TINCR: variants seen among roughly 807,000 people sequenced by gnomAD.
TINCR encodes TINCR ubiquitin domain containing.
chr19:5,566,856 A>G (rs1204479634), intron 1 of TINCR, among the ~76,000 whole-genome samples: 1 of 151,982 alleles, frequency 6.6e-6, no homozygotes, highest in African/African-American at 2.4e-5. Flanking sequence ...GACAGAGACC[A>G]GAGAGGGAGA....
rs967259081 is a variant in TINCR at position 5,565,968 on chromosome 19, C to T, written c.260+1697G>A. On this transcript the variant is annotated intron_variant, in intron 1 of 1. Transcript: ENST00000646160. The surrounding 1 kb of genome is among the most constrained non-coding windows in gnomAD (Gnocchi z 4.0). ...CCCATTTCCCAGAGCTGCCCCAGGC[C>T]GGCAGTGAGCTGTTCCCGTGGCCCC... Among the ~76,000 whole-genome samples the T allele has an allele frequency of 4.6e-5, 7 of 152,204 alleles. No individual in the cohort carries two copies. The highest frequency in any genetic ancestry group is 2.6e-4 in the Admixed American group (4 of 15,278).
chr19:5,566,290 G>C (rs1229108186), intron 1 of TINCR, among the ~76,000 whole-genome samples: 4 of 152,054 alleles, frequency 2.6e-5, no homozygotes, highest in Non-Finnish European at 5.9e-5. Flanking sequence ...CAAAATAACA[G>C]AGACAGAGAC....
intron 1 of TINCR, among the ~76,000 whole-genome samples, chr19:5,567,420 CAAAAG>C (rs2052136362): frequency 6.6e-6 from 1 of 152,050 alleles, no homozygotes; most frequent in Non-Finnish European, 1.5e-5. Context: ...GTGACAGAGA[CAAAAG>C]AGAGAGAGGC....
In TINCR at chr19:5,565,375, C is replaced by A. The variant is rs904934730; in HGVS notation, c.260+2290G>T. ...CTCTCCACCTTCCCTGCATCCCCCA[C>A]AGCGCCAATTGCGAGTTGACATTCT... On this transcript the variant is annotated intron_variant, in intron 1 of 1. Coordinates refer to ENST00000646160, the Ensembl canonical transcript of TINCR. The surrounding 1 kb of genome is among the most constrained non-coding windows in gnomAD (Gnocchi z 4.0). 6.6e-6 allele frequency among the ~76,000 whole-genome samples: 1 copy of A among 152,184 alleles called. No individual in the cohort carries two copies.
At chr19:5,564,669 C>G (rs1290121746) in intron 1 of TINCR, among the ~76,000 whole-genome samples, 3 of 152,222 alleles carry the variant, frequency 2.0e-5, no homozygotes, top group African/African-American at 7.2e-5. Flanking sequence ...ACCTCCGCCT[C>G]CAGGTTCAAG....
chr19:5,562,768 CAG>C lies in TINCR; in HGVS notation c.*77_*78del, dbSNP rs1170091247. The stretch of plus-strand genomic sequence containing the variant: ...CCAGACTCAAGCGATTCTCTTGCCT[CAG>C]CCTCCCCAGTAGCTGGGATTACAGG... On this transcript the variant is annotated 3_prime_UTR_variant, in exon 2 of 2. Coordinates refer to ENST00000646160, the Ensembl canonical transcript of TINCR. This position sits in a 1 kb window ranked among gnomAD's most constrained non-coding sequence, Gnocchi z 4.4. The C allele has an allele frequency of 1.3e-5, 2 of 152,374 alleles. No homozygotes were observed. The highest frequency in any genetic ancestry group is 2.9e-5 in the Non-Finnish European group (2 of 68,150). The allele number at this position is 152,374 out of a possible 1,614,324, so 9.4% of individuals were successfully genotyped here.
chr19:5,566,983 C>T (rs2145291295), intron 1 of TINCR, among the ~76,000 whole-genome samples: 1 of 151,188 alleles, frequency 6.6e-6, no homozygotes, highest in Middle Eastern at 3.5e-3. Context: ...GAGACAATCA[C>T]AGGCAACCAA....
chr19:5,560,893 C>A (rs1014218750), downstream of TINCR: 1 of 153,656 alleles, frequency 6.5e-6, no homozygotes, highest in Non-Finnish European at 1.5e-5. The surrounding 1 kb of genome is among the most constrained non-coding windows in gnomAD (Gnocchi z 4.5). Flanking sequence ...GTTCACTGCA[C>A]AAAGGGCCTG....
At position 5,566,302 on chromosome 19, in the gene TINCR, C is replaced by G. The variant is rs371506156; in HGVS notation, c.260+1363G>C. Reference sequence around the variant, plus strand: ...GACCAAAATAACAGAGACAGAGACACAGAGAGAGAAATACACAGCGGGAAG... The same window carrying G: ...GACCAAAATAACAGAGACAGAGACAGAGAGAGAGAAATACACAGCGGGAAG... On this transcript the variant is annotated intron_variant, in intron 1 of 1. Coordinates refer to ENST00000646160, the Ensembl canonical transcript of TINCR. Among the ~76,000 whole-genome samples the G allele has an allele frequency of 4.8e-4, 73 of 151,580 alleles. 1 individual carries two copies. The South Asian group carries it at 0.015, about 31-fold the overall frequency.
chr19:5,560,160 C>G (rs1174954072), downstream of TINCR: 2 of 152,322 alleles, frequency 1.3e-5, no homozygotes, highest in Non-Finnish European at 2.9e-5. The surrounding 1 kb of genome is among the most constrained non-coding windows in gnomAD (Gnocchi z 4.5). Context: ...CCCTCCTTCT[C>G]CCCCTCCTCT....
At chr19:5,566,646 A>G (rs1179827939) in intron 1 of TINCR, among the ~76,000 whole-genome samples, 1 of 152,036 alleles carries the variant, frequency 6.6e-6, no homozygotes, top group African/African-American at 2.4e-5. Context: ...AGACAGAGAG[A>G]CAGGGAGAGA....
intron 1 of TINCR, among the ~76,000 whole-genome samples, chr19:5,566,359 CAG>C (rs570536026): frequency 8.5e-4 from 128 of 150,184 alleles, no homozygotes; most frequent in African/African-American, 2.3e-3. Context: ...CGCAGAGAAA[CAG>C]AGAGACAAAA....
exon 1 of TINCR, chr19:5,567,783 C>T: frequency 2.5e-6 from 1 of 394,516 alleles, no homozygotes; most frequent in Admixed American, 4.4e-5. Flanking sequence ...GAGCTCACGC[C>T]CTGGCCCACC....
exon 1 of TINCR, chr19:5,567,709 C>T (rs1599205042): frequency 2.7e-6 from 1 of 364,422 alleles, no homozygotes; most frequent in African/African-American, 2.1e-5. Context: ...CCTGCAGGCG[C>T]GCGTCGCGCA....
rs972761262 is a variant in TINCR, at chr19:5,565,156, C to T, written c.261-2207G>A. ...CTCCCTGCCCTCCCTTCCTCCCTCT[C>T]TCCCCCTTGCTCCAGCCACACGGGC... On this transcript the variant is annotated intron_variant, in intron 1 of 1. Coordinates refer to ENST00000646160, the Ensembl canonical transcript of TINCR. This position sits in a 1 kb window ranked among gnomAD's most constrained non-coding sequence, Gnocchi z 4.0. Among the ~76,000 whole-genome samples the T allele has an allele frequency of 5.9e-5, 9 of 152,064 alleles. No homozygotes were observed. The highest frequency in any genetic ancestry group is 1.3e-4 in the Non-Finnish European group (9 of 68,004).
At chr19:5,567,771 A>C in exon 1 of TINCR, 1 of 394,002 alleles carries the variant, frequency 2.5e-6, no homozygotes, top group Non-Finnish European at 4.5e-6. Flanking sequence ...GCGCGCTTCC[A>C]GGAGCTCACG....
At chr19:5,561,677 C>G (rs2052102698), downstream of TINCR, 1 of 152,218 alleles carries the variant, frequency 6.6e-6, no homozygotes, top group Non-Finnish European at 1.5e-5. Context: ...TTTCGGCTCA[C>G]TGTAACCTCT....
rs376157995 is a variant in TINCR, at chr19:5,566,211, CAG to C, written c.260+1452_260+1453del. ...CAGAGAAAAACAGCAGAGAAAAATG[CAG>C]AGACACCAGAGAGATAAAGAGACAC... On this transcript the variant is annotated intron_variant, in intron 1 of 1. Transcript: ENST00000646160. 2.6e-3 allele frequency among the ~76,000 whole-genome samples: 388 copies of C among 151,964 alleles called. 2 individuals carry two copies. Among genetic ancestry groups the C allele is most frequent in the African/African-American group, 8.9e-3 (370 of 41,434 alleles).
At chr19:5,564,583 T>C (rs2052118456) in intron 1 of TINCR, among the ~76,000 whole-genome samples, 2 of 152,122 alleles carry the variant, frequency 1.3e-5, no homozygotes, top group South Asian at 4.1e-4. Flanking sequence ...ACTCTCTCTT[T>C]TTTCTTTTGT....
Sources: gnomAD v4.1 joint callset for allele counts (sites outside exome capture counted in the v4.1 genomes callset) on GRCh38, gnomAD v4.1.1 for gene constraint, Gnocchi (gnomAD v3.1) non-coding constraint, MANE v1.5 for transcripts, NCBI Gene and HGNC (gene_info 2026-07-23, HGNC 2026-07-21) for gene names.